Variants in METTL22 observed in about 807,000 individuals in gnomAD.
METTL22 encodes methyltransferase-like protein 22.
In METTL22, 51 loss-of-function variants were observed where a neutral mutation model predicts 48.4. The ratio of observed to expected loss-of-function variants is 1.05; its 90% CI spans 0.84 to 1.33. METTL22 has a LOEUF of 1.33. METTL22 is among the 40% of genes most tolerant of loss of function. The probability of loss-of-function intolerance (pLI) is 0.00; values close to 1 mark genes in which losing one functional copy is unlikely to be tolerated. For synonymous variants in METTL22, 255 were observed against 214.1 expected (o/e 1.19, Z -1.67); for missense variants, 678 against 526.9 (o/e 1.29, Z -2.81).
At position 8,639,171 on chromosome 16, in the gene METTL22, C is replaced by T. The variant is rs909797944; in HGVS notation, c.772+9C>T. 1.2e-6 allele frequency: 2 copies of T among 1,613,810 alleles called. No individual in the cohort carries two copies. On this transcript the variant is annotated intron_variant, in intron 6 of 10. Coordinates refer to ENST00000381920, the MANE Select transcript of METTL22 (RefSeq NM_024109.4). ...CCTGGCTGCCACTGGAGGTGAGGCC[C>T]AGGGGGTCTTCTGCCAGGGAGGGAG...
chr16:8,651,839 G>A (rs1215743587), downstream of METTL22, among the ~76,000 whole-genome samples: 1 of 152,128 alleles, frequency 6.6e-6, no homozygotes, highest in African/African-American at 2.4e-5. Context: ...ATAGGGAGGA[G>A]AACATCACAC....
intron 2 of METTL22, among the ~76,000 whole-genome samples, chr16:8,626,734 C>G (rs1289991152): frequency 6.7e-6 from 1 of 149,820 alleles, no homozygotes; most frequent in East Asian, 2.0e-4. Flanking sequence ...CGGGCATGAA[C>G]CACCGCATCC....
chr16:8,638,082 G>C (rs1335271978), intron 5 of METTL22, among the ~76,000 whole-genome samples: 2 of 151,514 alleles, frequency 1.3e-5, no homozygotes, highest in East Asian at 3.9e-4. Flanking sequence ...GGGAAGTGGA[G>C]GTTGCAGTGA....
chr16:8,641,726 A>G (rs535515822), intron 7 of METTL22: 109 of 390,616 alleles, frequency 2.8e-4, no homozygotes, highest in African/African-American at 1.6e-3. Context: ...TGCGCACCGT[A>G]GGCCCTTCGG....
chr16:8,636,432 G>C (rs551088994), intron 5 of METTL22, among the ~76,000 whole-genome samples: 18 of 149,914 alleles, frequency 1.2e-4, no homozygotes, highest in African/African-American at 4.4e-4. Context: ...CAGCTACTTG[G>C]GAGGCTTGAA....
rs2270286 is a variant in METTL22, at chr16:8,628,772, G to A, written c.176G>A (p.Trp59Ter). ...QFKLLWSQDS[W>*]TDSGAKGGSH... ...AAGCTTCTATGGAGCCAAGACTCTT[G>A]GACAGATTCAGGAGCCAAGGGTGGC... is the stretch of plus-strand genomic sequence containing the variant. The change falls in exon 3 of 11, where the codon TGG becomes TAG. Residue 59 changes from tryptophan to a stop codon, truncating the protein, a stop_gained. Coordinates refer to ENST00000381920, the MANE Select transcript of METTL22 (RefSeq NM_024109.4). LOFTEE classifies it high-confidence loss of function. 6.2e-7 allele frequency: 1 copy of A among 1,614,038 alleles called. No individual in the cohort carries two copies. Among genetic ancestry groups the A allele is most frequent in the Non-Finnish European group, 8.5e-7 (1 of 1,179,970 alleles).
At chr16:8,663,903 A>C in the METTL22 span, among the ~76,000 whole-genome samples, 3 of 152,032 alleles carry the variant, frequency 2.0e-5, no homozygotes, top group Non-Finnish European at 4.4e-5. Context: ...TGCATTGTAG[A>C]GCATTCAGCA....
chr16:8,661,204 T>C, the METTL22 span, among the ~76,000 whole-genome samples: 1 of 142,878 alleles, frequency 7.0e-6, no homozygotes, highest in African/African-American at 2.5e-5. Flanking sequence ...TCATCAGTCC[T>C]GGCAGCCATG....
downstream of METTL22, among the ~76,000 whole-genome samples, chr16:8,653,011 A>C (rs2141838883): frequency 6.6e-6 from 1 of 152,308 alleles, no homozygotes; most frequent in South Asian, 2.1e-4. Flanking sequence ...ATCTCAGGTG[A>C]CTGCCAGTTC....
rs2056840658 is a variant in METTL22 at position 8,648,365 on chromosome 16, T to G, written c.*2222T>G. ...GCGAGGTGCCGGGCATGGTGGCTCA[T>G]GCCTGTCATCCCAGCACTTTGGGAG... is the stretch of plus-strand genomic sequence containing the variant. On this transcript the variant is annotated 3_prime_UTR_variant, in exon 11 of 11. Coordinates refer to ENST00000381920, the MANE Select transcript of METTL22 (RefSeq NM_024109.4). 6.6e-6 allele frequency: 1 copy of G among 151,676 alleles called. No individual in the cohort carries two copies. The highest frequency in any genetic ancestry group is 1.5e-5 in the Non-Finnish European group (1 of 68,024). The allele number at this position is 151,676 out of a possible 1,614,324, so 9.4% of individuals were successfully genotyped here. A position where few individuals can be genotyped will look rare whatever the true frequency, so the allele number is the denominator to read the frequency against.
At chr16:8,657,820 C>CTTTT in the METTL22 span, among the ~76,000 whole-genome samples, 12 of 137,350 alleles carry the variant, frequency 8.7e-5, no homozygotes, top group African/African-American at 3.5e-4. Flanking sequence ...CTTTTCTTTT[C>CTTTT]TTTCTTTTTT....
At chr16:8,642,089 A>T in intron 7 of METTL22, 38 bp from the exon 8 acceptor site, 1 of 1,512,964 alleles carries the variant, frequency 6.6e-7, no homozygotes, top group Non-Finnish European at 9.2e-7. Context: ...CCAGGAGAGA[A>T]GGCAATGGGC....
Position 8,628,969 on chromosome 16 carries a change from G to A in METTL22, c.373G>A (p.Val125Met). 2 of 1,614,088 alleles carry A rather than the reference G, an allele frequency of 1.2e-6. No homozygotes were observed. The highest frequency in any genetic ancestry group is 1.1e-5 in the South Asian group (1 of 91,088). The change falls in exon 3 of 11, where the codon GTG (valine) becomes ATG (methionine). Residue 125 changes from valine to methionine, a missense_variant. Val to Met is a conservative substitution (Grantham distance 21, BLOSUM62 1). Transcript: ENST00000381920. ...GGATGAGGATGGGGATTTGGACGTG[G>A]TGAGAAGACCACGAGCCGCCTCTGA... is the stretch of plus-strand genomic sequence containing the variant. ...QLDEDGDLDV[V>M]RRPRAASDSN...
the METTL22 span, among the ~76,000 whole-genome samples, chr16:8,658,037 A>G: frequency 3.3e-5 from 5 of 152,096 alleles, no homozygotes; most frequent in African/African-American, 4.8e-5. Context: ...GGCTGGTCTC[A>G]AACTCCCGAG....
chr16:8,642,226 C>G lies in METTL22; in HGVS notation c.907+19C>G, dbSNP rs200602224. ...GCCGAAGGTAAGAAAATTTCTCCTTCGCCGTACACGTCCTTTGTTGTAGCA... is the reference window on the plus strand; with the variant it reads ...GCCGAAGGTAAGAAAATTTCTCCTTGGCCGTACACGTCCTTTGTTGTAGCA... On this transcript the variant is annotated intron_variant, in intron 8 of 10. Transcript: ENST00000381920. 1 of 1,588,680 alleles carries G rather than the reference C, an allele frequency of 6.3e-7. No individual in the cohort carries two copies. The highest frequency in any genetic ancestry group is 1.1e-5 in the South Asian group (1 of 90,582).
chr16:8,641,643 CTT>C (rs60367708), intron 7 of METTL22: 693 of 324,662 alleles, frequency 2.1e-3, no homozygotes, highest in Middle Eastern at 3.4e-3. Flanking sequence ...ATAAAGATGT[CTT>C]TTTTTTTTTC....
intron 1 of METTL22, among the ~76,000 whole-genome samples, chr16:8,622,736 A>T (rs111372319): frequency 5.9e-5 from 9 of 152,316 alleles, no homozygotes; most frequent in African/African-American, 2.2e-4. Flanking sequence ...TCCTCTGAGT[A>T]TATGAGGGCC....
intron 2 of METTL22, 70 bp downstream of exon 2, chr16:8,625,868 G>T: frequency 6.3e-7 from 1 of 1,580,300 alleles, no homozygotes; most frequent in South Asian, 1.1e-5. Flanking sequence ...CATCTTTTTG[G>T]GGAAAATATT....
chr16:8,639,123 C>A lies in METTL22; in HGVS notation c.733C>A (p.Arg245=). The A allele has an allele frequency of 6.2e-7, 1 of 1,613,904 alleles. No individual in the cohort carries two copies. ...VGADLLSMCQ[R]NIALNSHLAA... is the part of the protein sequence containing the mutation. Reference sequence around the variant, plus strand: ...TGCAGATCTCTTGTCCATGTGCCAGCGAAACATTGCCCTCAACAGCCACCT... The same window carrying A: ...TGCAGATCTCTTGTCCATGTGCCAGAGAAACATTGCCCTCAACAGCCACCT... Residue 245 remains arginine (R), a synonymous_variant, in exon 6 of 11, where the codon CGA becomes AGA. Coordinates refer to ENST00000381920, the MANE Select transcript of METTL22 (RefSeq NM_024109.4).
Sources: allele counts gnomAD v4.1 joint callset (sites outside exome capture counted in the v4.1 genomes callset), GRCh38; gene constraint gnomAD v4.1.1; transcripts MANE v1.5; gene names NCBI Gene and HGNC (gene_info 2026-07-23, HGNC 2026-07-21).